KANK4: variants seen among roughly 807,000 people sequenced by gnomAD.
KANK4 encodes the protein KN motif and ankyrin repeat domains 4.
In KANK4, 50 loss-of-function variants were observed where a neutral mutation model predicts 80.8. The ratio of observed to expected loss-of-function variants is 0.62; its 90% CI spans 0.49 to 0.78. KANK4 has a LOEUF of 0.78. Among genes scored for constraint, KANK4 ranks in the 30% least tolerant of loss-of-function variants. The pLI is 0.00. For missense variants in KANK4, 1,196 were observed against 1,240.1 expected (o/e 0.96, Z 0.53); for synonymous variants, 465 against 506.9 (o/e 0.92, Z 1.11).
chr1:62,240,344 C>T (rs1408981208), intron 9 of KANK4, among the ~76,000 whole-genome samples: 2 of 152,154 alleles, frequency 1.3e-5, no homozygotes, highest in Non-Finnish European at 2.9e-5. Context: ...TATCCTTTGC[C>T]CACTTTACAA....
chr1:62,266,421 TCA>T (rs1481919250), intron 6 of KANK4, among the ~76,000 whole-genome samples: 1 of 148,132 alleles, frequency 6.8e-6, no homozygotes, highest in Admixed American at 6.7e-5. Flanking sequence ...CACCGTACGC[TCA>T]CACCAATGCA....
chr1:62,287,312 T>G (rs1158861497), intron 1 of KANK4, among the ~76,000 whole-genome samples: 1 of 152,192 alleles, frequency 6.6e-6, no homozygotes, highest in African/African-American at 2.4e-5. Context: ...TAGAGGGACC[T>G]TGTTCCTTCG....
chr1:62,308,289 GCCT>G (rs1644469585), intron 1 of KANK4, among the ~76,000 whole-genome samples: 2 of 152,302 alleles, frequency 1.3e-5, no homozygotes, highest in South Asian at 2.1e-4. Flanking sequence ...TCACACAGGC[GCCT>G]GCATGGAGAG....
chr1:62,294,773 A>C (rs1193416073), intron 1 of KANK4, among the ~76,000 whole-genome samples: 2 of 152,212 alleles, frequency 1.3e-5, no homozygotes, highest in African/African-American at 4.8e-5. Flanking sequence ...GGTCCAGCAA[A>C]GATGGTGACC....
chr1:62,273,259 C>G lies in KANK4; in HGVS notation c.1845G>C (p.Ser615=), dbSNP rs770160300. ...SSLNLLLSAY[S]AQAHPPKEPP... is the part of the protein sequence containing the mutation. ...GCTCCTTGGGTGGGTGAGCCTGGGC[C>G]GAGTAGGCCGACAGCAGCAGGTTGA... Residue 615 remains serine, a synonymous_variant, in exon 3 of 10, where the codon TCG becomes TCC. Coordinates refer to ENST00000371153, the MANE Select transcript of KANK4 (RefSeq NM_181712.5). The G allele has an allele frequency of 3.9e-6, 6 of 1,548,546 alleles. No individual in the cohort carries two copies. The highest frequency in any genetic ancestry group is 1.2e-5 in the South Asian group (1 of 81,040).
At chr1:62,254,968 C>T (rs1456967421) in intron 7 of KANK4, among the ~76,000 whole-genome samples, 4 of 148,378 alleles carry the variant, frequency 2.7e-5, no homozygotes, top group African/African-American at 9.9e-5. Flanking sequence ...TCACTGCAAC[C>T]TCCATCTCCT....
At chr1:62,271,375 A>G (rs983524177) in intron 4 of KANK4, 103 bp downstream of exon 4, 3 of 792,348 alleles carry the variant, frequency 3.8e-6, no homozygotes, top group Non-Finnish European at 6.7e-6. Context: ...TCCCTTGAAG[A>G]GGAATGAAAA....
chr1:62,262,994 T>G, intron 7 of KANK4, 98 bp downstream of exon 7: 1 of 857,488 alleles, frequency 1.2e-6, no homozygotes, highest in Non-Finnish European at 1.9e-6. Context: ...AAAAACCACT[T>G]GTACCTTTAA....
In KANK4 at chr1:62,263,163, T is replaced by C. The variant is rs1422526495; in HGVS notation, c.2468A>G (p.Asn823Ser). The C allele has an allele frequency of 1.9e-6, 3 of 1,614,020 alleles. No homozygotes were observed. Among genetic ancestry groups the C allele is most frequent in the Non-Finnish European group, 2.5e-6 (3 of 1,179,956 alleles). ...GCTGTAGTGAAGGGCCGTGTTCCCGTTGTGATCGGCCAAGTTGACAAGCAG... is the reference window on the plus strand; with the variant it reads ...GCTGTAGTGAAGGGCCGTGTTCCCGCTGTGATCGGCCAAGTTGACAAGCAG... The part of the protein sequence containing the change: ...LKLLVNLADH[N>S]GNTALHYSVS... Residue 823 changes from asparagine to serine, a missense_variant, in exon 7 of 10, where the codon AAC becomes AGC. Physicochemically the swap from Asn to Ser is conservative, Grantham distance 46. This residue lies in a region of KANK4 where 1,154 missense variants were observed against 1,179.6 expected (regional missense o/e 0.98). Coordinates refer to ENST00000371153, the MANE Select transcript of KANK4 (RefSeq NM_181712.5).
chr1:62,241,691 A>T (rs1167538424), intron 9 of KANK4, among the ~76,000 whole-genome samples: 1 of 152,224 alleles, frequency 6.6e-6, no homozygotes. Flanking sequence ...TACATTGGAA[A>T]GTACTGGAAC....
chr1:62,253,149 A>C lies in KANK4; in HGVS notation c.2600T>G (p.Leu867Trp). The C allele has an allele frequency of 6.2e-7, 1 of 1,613,856 alleles. No homozygotes were observed. The highest frequency in any genetic ancestry group is 1.1e-5 in the South Asian group (1 of 90,992). Residue 867 changes from leucine to tryptophan, a missense_variant, in exon 8 of 10, where the codon TTG becomes TGG. This residue lies in a region of KANK4 where 1,154 missense variants were observed against 1,179.6 expected (regional missense o/e 0.98). Transcript: ENST00000371153. The part of the protein sequence containing the change: ...AGYTAVMITP[L>W]ASAETNEDMA... Reference sequence around the variant, plus strand: ...GTCTTCATTGGTCTCTGCGGAAGCCAAGGGAGTGATCATTACGGCAGTGTA... The same window carrying C: ...GTCTTCATTGGTCTCTGCGGAAGCCCAGGGAGTGATCATTACGGCAGTGTA...
intron 1 of KANK4, among the ~76,000 whole-genome samples, chr1:62,304,813 C>G (rs1644438356): frequency 6.6e-6 from 1 of 152,064 alleles, no homozygotes; most frequent in African/African-American, 2.4e-5. Flanking sequence ...CCAGGAAATC[C>G]AGATCCTAAC....
At chr1:62,312,139 T>A (rs555421665) in intron 1 of KANK4, among the ~76,000 whole-genome samples, 135 of 152,280 alleles carry the variant, frequency 8.9e-4, no homozygotes, top group African/African-American at 3.2e-3. Flanking sequence ...TAATAAAATT[T>A]TTTAAATTGT....
At chr1:62,254,087 G>A (rs544927288) in intron 7 of KANK4, among the ~76,000 whole-genome samples, 1 of 152,222 alleles carries the variant, frequency 6.6e-6, no homozygotes, top group South Asian at 2.1e-4. Flanking sequence ...ACTGTGCCAA[G>A]TACCAGGAGG....
At chr1:62,284,892 C>A (rs921942159) in intron 1 of KANK4, among the ~76,000 whole-genome samples, 29 of 152,142 alleles carry the variant, frequency 1.9e-4, no homozygotes, top group Non-Finnish European at 3.4e-4. Context: ...ACCCCCAACT[C>A]CTCATGTCTA....
At chr1:62,295,103 G>A (rs1644349939) in intron 1 of KANK4, among the ~76,000 whole-genome samples, 1 of 152,050 alleles carries the variant, frequency 6.6e-6, no homozygotes, top group African/African-American at 2.4e-5. Context: ...TTGGAGCATA[G>A]CATAGGCAGA....
In KANK4 at chr1:62,253,048, TCCTGTTCATTCCA is replaced by T. The variant is rs1282985424; in HGVS notation, c.2682+6_2682+18del. 3 of 1,612,820 alleles carry T rather than the reference TCCTGTTCATTCCA, an allele frequency of 1.9e-6. No individual in the cohort carries two copies. Among genetic ancestry groups the T allele is most frequent in the Non-Finnish European group, 2.5e-6 (3 of 1,179,622 alleles). On this transcript the variant is annotated splice_donor_region_variant and intron_variant, in intron 8 of 9. Coordinates refer to ENST00000371153, the MANE Select transcript of KANK4 (RefSeq NM_181712.5). ...GCCCCTGCATTTACTGAAGAGGAGA[TCCTGTTCATTCCA>T]CCCACCTGAGTAGCTTGAATGTTCA...
chr1:62,304,553 C>T (rs149770792), intron 1 of KANK4, among the ~76,000 whole-genome samples: 1 of 151,920 alleles, frequency 6.6e-6, no homozygotes. Flanking sequence ...CAGCTCCTGT[C>T]TGCCCCCTCC....
intron 1 of KANK4, among the ~76,000 whole-genome samples, chr1:62,295,257 G>C (rs188715535): frequency 6.6e-6 from 1 of 152,018 alleles, no homozygotes; most frequent in Non-Finnish European, 1.5e-5. Context: ...TCCTGCCTCA[G>C]CCTCCCAAGT....
Sources: gnomAD v4.1 joint callset for allele counts (sites outside exome capture counted in the v4.1 genomes callset) on GRCh38, gnomAD v4.1.1 for gene constraint, gnomAD v4.1.1 regional missense constraint, MANE v1.5 for transcripts, NCBI Gene and HGNC (gene_info 2026-07-23, HGNC 2026-07-21) for gene names.